ST6GALNAC3: variants seen among roughly 807,000 people sequenced by gnomAD.
ST6GALNAC3 encodes alpha-N-acetylgalactosaminide alpha-2,6-sialyltransferase 3.
In ST6GALNAC3, 25 loss-of-function variants were observed where a neutral mutation model predicts 32.7. That is an observed-to-expected ratio of 0.76 (90% CI 0.56 to 1.07). The LOEUF (loss-of-function observed/expected upper bound fraction) is 1.07, where lower values mean the gene tolerates loss of function less well. ST6GALNAC3 is among the 50% of genes least tolerant of loss of function. The pLI, the probability that ST6GALNAC3 is intolerant of heterozygous loss-of-function variation, is 0.00. For missense variants in ST6GALNAC3, 355 were observed against 382.4 expected, an observed-to-expected ratio of 0.93 and a Z score of 0.60; for synonymous variants, 129 against 133.1, an observed-to-expected ratio of 0.97 and a Z score of 0.21.
chr1:76,525,466 T>A (rs1662805244), intron 3 of ST6GALNAC3, among the ~76,000 whole-genome samples: 2 of 151,892 alleles, frequency 1.3e-5, no homozygotes, highest in Admixed American at 1.3e-4. Flanking sequence ...TTCAAAAAGG[T>A]CAGCCTCTGC....
chr1:76,207,295 G>T (rs186165975), intron 1 of ST6GALNAC3, among the ~76,000 whole-genome samples: 3 of 152,308 alleles, frequency 2.0e-5, no homozygotes, highest in Admixed American at 2.0e-4. Context: ...TGCTAGGCTC[G>T]CCTGCCTGTG....
At position 76,180,691 on chromosome 1, in the gene ST6GALNAC3, G is replaced by A. The variant is rs148547606; in HGVS notation, c.18+105807G>A. On this transcript the variant is annotated intron_variant, in intron 1 of 4. Transcript: ENST00000328299. ...CAGAGAAGGAGAGAAGAGAAAGAGC[G>A]CCTGAATGTCAGCAGGAGTTTGTCT... Among the ~76,000 whole-genome samples the A allele has an allele frequency of 1.6e-4, 25 of 152,268 alleles. No homozygotes were observed. In the East Asian group the frequency reaches 2.3e-3, roughly 14 times the overall value.
At chr1:76,392,029 G>A (rs1652602313) in intron 2 of ST6GALNAC3, among the ~76,000 whole-genome samples, 1 of 152,156 alleles carries the variant, frequency 6.6e-6, no homozygotes, top group Admixed American at 6.5e-5. Context: ...ATTTTGAGTA[G>A]GATAATGCTT....
At chr1:76,570,243 A>G (rs1335871802) in intron 3 of ST6GALNAC3, among the ~76,000 whole-genome samples, 1 of 152,116 alleles carries the variant, frequency 6.6e-6, no homozygotes, top group Admixed American at 6.6e-5. Flanking sequence ...CCTTTATGGA[A>G]TGTTATTAAA....
intron 2 of ST6GALNAC3, among the ~76,000 whole-genome samples, chr1:76,376,014 C>G (rs1651196256): frequency 6.6e-6 from 1 of 152,018 alleles, no homozygotes; most frequent in Admixed American, 6.5e-5. Context: ...ACAGTGGTTA[C>G]CCCTAGTGAA....
At chr1:76,382,907 G>A (rs745904612) in intron 2 of ST6GALNAC3, among the ~76,000 whole-genome samples, 5 of 152,050 alleles carry the variant, frequency 3.3e-5, no homozygotes, top group Non-Finnish European at 7.4e-5. Flanking sequence ...ACTTCAAAAG[G>A]CTTCATGGAC....
chr1:76,305,833 G>A (rs1478904066), intron 1 of ST6GALNAC3: 4 of 503,804 alleles, frequency 7.9e-6, no homozygotes, highest in Non-Finnish European at 1.6e-5. Context: ...AGAAATAGAG[G>A]CATAGTGAGA....
chr1:76,287,815 CA>C (rs1473237411), intron 1 of ST6GALNAC3, among the ~76,000 whole-genome samples: 1 of 152,174 alleles, frequency 6.6e-6, no homozygotes, highest in Non-Finnish European at 1.5e-5. Context: ...CCTTTGCAAA[CA>C]ATAGTACAGT....
At chr1:76,124,482 T>C (rs1463295917) in intron 1 of ST6GALNAC3, among the ~76,000 whole-genome samples, 2 of 152,158 alleles carry the variant, frequency 1.3e-5, no homozygotes, top group Non-Finnish European at 2.9e-5. Context: ...CTGTCCCTGG[T>C]TGGGGATGTG....
At chr1:76,222,211 G>C (rs1209092056) in intron 1 of ST6GALNAC3, among the ~76,000 whole-genome samples, 2 of 152,098 alleles carry the variant, frequency 1.3e-5, no homozygotes, top group Non-Finnish European at 2.9e-5. Flanking sequence ...GCCATAAGCA[G>C]AATAGTGAAG....
At chr1:76,560,345 A>G (rs1432824106) in intron 3 of ST6GALNAC3, among the ~76,000 whole-genome samples, 2 of 152,200 alleles carry the variant, frequency 1.3e-5, no homozygotes, top group Non-Finnish European at 2.9e-5. Context: ...GATCACCTCA[A>G]GTTAAAAAGC....
chr1:76,075,685 C>T (rs1302821605), intron 1 of ST6GALNAC3, among the ~76,000 whole-genome samples: 1 of 150,908 alleles, frequency 6.6e-6, no homozygotes, highest in Non-Finnish European at 1.5e-5. Context: ...CTTTCCATCC[C>T]ACTGGTAGAG....
chr1:76,378,664 C>A (rs547385877), intron 2 of ST6GALNAC3, among the ~76,000 whole-genome samples: 1 of 101,670 alleles, frequency 9.8e-6, no homozygotes, highest in African/African-American at 3.7e-5. Context: ...TTCCTTCCCC[C>A]CCCCAAAAAA....
intron 1 of ST6GALNAC3, among the ~76,000 whole-genome samples, chr1:76,187,888 C>A (rs1653659757): frequency 6.6e-6 from 1 of 152,182 alleles, no homozygotes; most frequent in Admixed American, 6.5e-5. Flanking sequence ...CTCTATACCT[C>A]CCTCCAGCCT....
At chr1:76,559,980 A>G (rs1232968445) in intron 3 of ST6GALNAC3, among the ~76,000 whole-genome samples, 1 of 152,146 alleles carries the variant, frequency 6.6e-6, no homozygotes, top group Non-Finnish European at 1.5e-5. Flanking sequence ...GAAGCAAATG[A>G]CATACAATGG....
At chr1:76,557,184 A>C (rs779931606) in intron 3 of ST6GALNAC3, among the ~76,000 whole-genome samples, 1 of 152,010 alleles carries the variant, frequency 6.6e-6, no homozygotes, top group African/African-American at 2.4e-5. Flanking sequence ...AAAATTGATC[A>C]TAGATATATA....
At chr1:76,456,889 A>G (rs191222777) in intron 3 of ST6GALNAC3, among the ~76,000 whole-genome samples, 2,946 of 152,294 alleles carry the variant, frequency 0.019, 91 homozygotes, top group African/African-American at 0.065. Context: ...AGAGTATTCA[A>G]TTAGGAAAAG....
chr1:76,525,804 T>TATATAC (rs1662865008), intron 3 of ST6GALNAC3, among the ~76,000 whole-genome samples: 1 of 70,020 alleles, frequency 1.4e-5, no homozygotes, highest in Admixed American at 1.2e-4. Context: ...TATATATATA[T>TATATAC]ATATATATAT....
At chr1:76,353,081 T>C (rs567295460) in intron 2 of ST6GALNAC3, among the ~76,000 whole-genome samples, 6 of 152,236 alleles carry the variant, frequency 3.9e-5, no homozygotes, top group African/African-American at 1.4e-4. Flanking sequence ...CAACTAGAAT[T>C]ACTCCACTCC....
Sources: allele counts gnomAD v4.1 joint callset (sites outside exome capture counted in the v4.1 genomes callset), GRCh38; gene constraint gnomAD v4.1.1; transcripts MANE v1.5; gene names NCBI Gene and HGNC (gene_info 2026-07-23, HGNC 2026-07-21).